The following STAB2 variants were observed in gnomAD, a reference collection of about 807,000 sequenced individuals.
STAB2 encodes stabilin 2.
STAB2 carries 288 observed loss-of-function variants against 338.1 expected under a neutral mutation model. That is an observed-to-expected ratio of 0.85 (90% CI 0.77 to 0.94). STAB2 has a LOEUF of 0.94. STAB2 is among the 40% of genes least tolerant of loss of function. The pLI, the probability that STAB2 is intolerant of heterozygous loss-of-function variation, is 0.00. For missense variants in STAB2, 3,141 were observed against 3,210.1 expected (o/e 0.98, Z 0.52); for synonymous variants, 1,202 against 1,193.3 (o/e 1.01, Z -0.15).
In STAB2 at chr12:103,695,778, C is replaced by T. The variant is rs1300515411; in HGVS notation, c.3516C>T (p.Tyr1172=). 2.5e-6 allele frequency: 4 copies of T among 1,614,216 alleles called. No homozygotes were observed. The South Asian group carries it at 4.4e-5, about 18-fold the overall frequency. ...LANAIEAADA[Y]TVFAPNNNAI... The stretch of plus-strand genomic sequence containing the variant: ...ATGCAATTGAGGCTGCCGATGCCTA[C>T]ACAGTGTTTGCTCCAAACAACAATG... Residue 1172 remains tyrosine (Y), a synonymous_variant, in exon 33 of 69, where the codon TAC becomes TAT. Transcript: ENST00000388887.
intron 18 of STAB2, among the ~76,000 whole-genome samples, chr12:103,664,376 C>T (rs1453927452): frequency 1.3e-5 from 2 of 152,170 alleles, no homozygotes; most frequent in Non-Finnish European, 1.5e-5. Context: ...AATCTCCTGA[C>T]CTCGTGATCT....
At chr12:103,601,456 G>A (rs1251548080) in intron 3 of STAB2, among the ~76,000 whole-genome samples, 1 of 152,170 alleles carries the variant, frequency 6.6e-6, no homozygotes, top group Non-Finnish European at 1.5e-5. Context: ...GCAGGGCATG[G>A]TCGTGGGTGC....
rs150749035 is a variant in STAB2 at position 103,753,246 on chromosome 12, C to T, written c.6607C>T (p.Arg2203Cys). 4.9e-4 allele frequency: 790 copies of T among 1,614,224 alleles called. 1 individual carries two copies. In the South Asian group the frequency reaches 4.9e-3, roughly 10 times the overall value. The stretch of plus-strand genomic sequence containing the variant: ...TACCACTGTTGGGGTGTTCCATCTA[C>T]GCTCCCCACTGGGCCAGTATAAGCT... The part of the protein sequence containing the change: ...QDTTVGVFHL[R>C]SPLGQYKLTF... Residue 2203 changes from arginine (R) to cysteine (C), a missense_variant, in exon 61 of 69, where the codon CGC becomes TGC. Coordinates refer to ENST00000388887, the MANE Select transcript of STAB2 (RefSeq NM_017564.10).
chr12:103,634,944 G>C (rs1051666351), intron 6 of STAB2, among the ~76,000 whole-genome samples: 9 of 152,334 alleles, frequency 5.9e-5, no homozygotes, highest in Middle Eastern at 3.4e-3. Context: ...ATCTTTCCTG[G>C]ACGTAAAGTG....
At chr12:103,711,575 T>TCC (rs1879864814) in intron 40 of STAB2, 59 bp downstream of exon 40, 1 of 1,572,228 alleles carries the variant, frequency 6.4e-7, no homozygotes, top group Non-Finnish European at 8.7e-7. Context: ...CCCAATATTG[T>TCC]CTACCCTAGT....
intron 61 of STAB2, 60 bp downstream of exon 61, chr12:103,753,413 C>G (rs956470689): frequency 6.8e-6 from 11 of 1,610,118 alleles, no homozygotes; most frequent in South Asian, 1.1e-5. Context: ...AAGTGCAGCC[C>G]TTTCTTAAGA....
intron 39 of STAB2, among the ~76,000 whole-genome samples, chr12:103,709,468 TTTGGA>T (rs1879657097): frequency 1.3e-5 from 2 of 152,126 alleles, no homozygotes; most frequent in Admixed American, 1.3e-4. Flanking sequence ...TCATTCAGAC[TTTGGA>T]TTGAAGAGAA....
chr12:103,642,176 T>C (rs757095349), intron 9 of STAB2, among the ~76,000 whole-genome samples: 24 of 152,208 alleles, frequency 1.6e-4, no homozygotes, highest in Non-Finnish European at 2.9e-4. Context: ...AGTTCATGTA[T>C]ATAATATGCT....
At position 103,620,624 on chromosome 12, in the gene STAB2, A is replaced by AACAC. The variant is rs34881989; in HGVS notation, c.417+98_417+101dup. On this transcript the variant is annotated intron_variant, in intron 4 of 68. Coordinates refer to ENST00000388887, the MANE Select transcript of STAB2 (RefSeq NM_017564.10). ...TCTTCTTACCTGTTGATCCTCCTTA[A>AACAC]ACACACACACACACACACACACACA... is the stretch of plus-strand genomic sequence containing the variant. 6,125 of 841,590 alleles carry AACAC rather than the reference A, an allele frequency of 7.3e-3. 45 individuals carry two copies. Among genetic ancestry groups the AACAC allele is most frequent in the African/African-American group, 0.044 (2,489 of 56,350 alleles). 52.1% of individuals were successfully genotyped at this position (841,590 alleles called of 1,614,324 possible). A position where few individuals can be genotyped will look rare whatever the true frequency, so the allele number is the denominator to read the frequency against.
chr12:103,640,334 G>C, intron 9 of STAB2, 78 bp downstream of exon 9: 1 of 1,553,446 alleles, frequency 6.4e-7, no homozygotes, highest in South Asian at 1.2e-5. Context: ...GTTTCTTGAA[G>C]GGGAGGAAAT....
In STAB2 at chr12:103,652,567, T is replaced by G; in HGVS notation, c.1269T>G (p.Leu423=). The G allele has an allele frequency of 6.3e-7, 1 of 1,584,612 alleles. No individual in the cohort carries two copies. The highest frequency in any genetic ancestry group is 8.6e-7 in the Non-Finnish European group (1 of 1,169,424). ...CTCTTCTCTCTTAGGTAAATGAGCT[T>G]TTGGTGGATAATAAAGCTGCTCAAT... The part of the protein sequence containing the change: ...KGLKGFNVNE[L]LVDNKAAQYF... The change falls in exon 12 of 69, where the codon CTT becomes CTG. Residue 423 remains leucine (L), a synonymous_variant. Transcript: ENST00000388887.
At chr12:103,656,557 A>G (rs1874192291) in intron 15 of STAB2, among the ~76,000 whole-genome samples, 2 of 152,318 alleles carry the variant, frequency 1.3e-5, no homozygotes, top group Non-Finnish European at 1.5e-5. Flanking sequence ...CCCAGCCCAC[A>G]CTGTTTTGGG....
intron 6 of STAB2, among the ~76,000 whole-genome samples, chr12:103,635,674 C>T (rs199578229): frequency 6.6e-6 from 1 of 152,222 alleles, no homozygotes. Context: ...GACACATCCC[C>T]TGAATCCCAC....
Position 103,758,220 on chromosome 12 carries a change from A to G in STAB2, c.7038A>G (p.Glu2346=). The G allele has an allele frequency of 6.2e-7, 1 of 1,614,096 alleles. No individual in the cohort carries two copies. Among genetic ancestry groups the G allele is most frequent in the East Asian group, 2.2e-5 (1 of 44,870 alleles). Residue 2346 remains glutamate, a synonymous_variant, in exon 64 of 69, where the codon GAA becomes GAG. Coordinates refer to ENST00000388887, the MANE Select transcript of STAB2 (RefSeq NM_017564.10). ...NSSARGRAFL[E]HLTDLSIRGT... ...CAGCTCGAGGCCGTGCATTTCTAGA[A>G]CACCTGACTGACCTGTCCATCCGCG... is the stretch of plus-strand genomic sequence containing the variant.
chr12:103,755,542 C>G (rs1468475820), intron 62 of STAB2, 70 bp from the exon 63 acceptor site: 1 of 1,609,268 alleles, frequency 6.2e-7, no homozygotes, highest in African/African-American at 1.3e-5. Context: ...CAGTCACTCC[C>G]CAAGCAGAAG....
At position 103,680,313 on chromosome 12, in the gene STAB2, TAAG is replaced by T. The variant is rs527697576; in HGVS notation, c.2805+2708_2805+2710del. Among the ~76,000 whole-genome samples the T allele has an allele frequency of 2.0e-3, 307 of 152,074 alleles. 1 individual carries two copies. The highest frequency in any genetic ancestry group is 4.1e-3 in the Admixed American group (62 of 15,278). Reference sequence around the variant, plus strand: ...TCATACATATATTTACTTCAATTCTTAAGAAGAAAAAAAAACTGGTTTAAAAAG... The same window carrying T: ...TCATACATATATTTACTTCAATTCTTAAGAAAAAAAAACTGGTTTAAAAAG... On this transcript the variant is annotated intron_variant, in intron 25 of 68. Coordinates refer to ENST00000388887, the MANE Select transcript of STAB2 (RefSeq NM_017564.10).
At chr12:103,711,668 A>C (rs1312767863) in intron 40 of STAB2, 152 bp downstream of exon 40, 1 of 878,150 alleles carries the variant, frequency 1.1e-6, no homozygotes, top group East Asian at 2.6e-5. Context: ...AATATCTCTG[A>C]AGAGGCCACT....
chr12:103,707,034 C>T (rs746234114), intron 38 of STAB2, 47 bp downstream of exon 38: 3 of 1,596,610 alleles, frequency 1.9e-6, no homozygotes, highest in South Asian at 1.1e-5. Flanking sequence ...CTGAAACCAA[C>T]CAGGAATATG....
intron 56 of STAB2, among the ~76,000 whole-genome samples, chr12:103,744,318 T>G (rs1882823257): frequency 1.3e-5 from 2 of 151,762 alleles, no homozygotes; most frequent in Admixed American, 1.3e-4. Flanking sequence ...TAATTTTTTA[T>G]TTTTTAAATT....
Sources: allele counts gnomAD v4.1 joint callset (sites outside exome capture counted in the v4.1 genomes callset), GRCh38; gene constraint gnomAD v4.1.1; transcripts MANE v1.5; gene names NCBI Gene and HGNC (gene_info 2026-07-23, HGNC 2026-07-21).